Variants in CADPS2 observed in about 807,000 individuals in gnomAD.
CADPS2 encodes calcium dependent secretion activator 2, also known as calcium-dependent secretion activator 2.
CADPS2 carries 93 observed loss-of-function variants against 172.5 expected under a neutral mutation model. That is an observed-to-expected ratio of 0.54 (90% CI 0.46 to 0.64). The LOEUF is 0.64. CADPS2 is among the 30% of genes least tolerant of loss of function. The pLI, the probability that CADPS2 is intolerant of heterozygous loss-of-function variation, is 0.00. For synonymous variants in CADPS2, 546 were observed against 555.2 expected (o/e 0.98, Z 0.23); for missense variants, 1,420 against 1,565.9 (o/e 0.91, Z 1.57).
intron 17 of CADPS2, chr7:122,424,345 C>G (rs1179640265): frequency 1.0e-6 from 1 of 984,780 alleles, no homozygotes; most frequent in East Asian, 1.1e-4. Context: ...TCTTTCGCAT[C>G]TGTAAATTCA....
chr7:122,514,609 T>C (rs138521819), intron 8 of CADPS2, among the ~76,000 whole-genome samples: 34 of 152,168 alleles, frequency 2.2e-4, no homozygotes, highest in Non-Finnish European at 3.8e-4. Context: ...AACATGTCAA[T>C]ACATCGAAAT....
intron 8 of CADPS2, among the ~76,000 whole-genome samples, chr7:122,518,911 C>T (rs1038214701): frequency 5.3e-5 from 8 of 151,984 alleles, no homozygotes; most frequent in African/African-American, 1.4e-4. Context: ...TGTCTGAGGG[C>T]TTTTTAACAT....
At chr7:122,880,262 T>C (rs1822522673) in intron 1 of CADPS2, among the ~76,000 whole-genome samples, 2 of 152,186 alleles carry the variant, frequency 1.3e-5, no homozygotes, top group South Asian at 4.1e-4. Flanking sequence ...ATATATACTT[T>C]CTGTTGCTAA....
At chr7:122,459,293 T>C (rs992457828) in intron 14 of CADPS2, among the ~76,000 whole-genome samples, 1 of 152,002 alleles carries the variant, frequency 6.6e-6, no homozygotes, top group Non-Finnish European at 1.5e-5. Flanking sequence ...TTTTCCTCCA[T>C]TTTTTGCTAT....
chr7:122,490,431 A>G (rs1187021351), intron 10 of CADPS2, 150 bp from the exon 11 acceptor site: 7 of 639,726 alleles, frequency 1.1e-5, no homozygotes, highest in Non-Finnish European at 1.6e-5. Context: ...CAAATCCACA[A>G]TCAAAGATTT....
chr7:122,617,854 T>C (rs1043692518), intron 5 of CADPS2, among the ~76,000 whole-genome samples: 6 of 152,084 alleles, frequency 3.9e-5, no homozygotes, highest in Non-Finnish European at 7.4e-5. Flanking sequence ...CCATCCTGGC[T>C]AACACAGTGA....
At chr7:122,492,890 G>T (rs565175016) in intron 9 of CADPS2, among the ~76,000 whole-genome samples, 1 of 152,040 alleles carries the variant, frequency 6.6e-6, no homozygotes, top group East Asian at 1.9e-4. Context: ...ATAGAGAAAA[G>T]GTCTCTGTCT....
At chr7:122,545,403 C>T (rs1206925219) in intron 8 of CADPS2, among the ~76,000 whole-genome samples, 1 of 152,052 alleles carries the variant, frequency 6.6e-6, no homozygotes, top group African/African-American at 2.4e-5. Context: ...TAAAAGCATG[C>T]TCAGGGTACA....
chr7:122,537,685 G>A (rs1292812154), intron 8 of CADPS2, among the ~76,000 whole-genome samples: 1 of 151,752 alleles, frequency 6.6e-6, no homozygotes, highest in African/African-American at 2.4e-5. Flanking sequence ...CAATCCTAGG[G>A]AAATAGAAGA....
At chr7:122,647,027 A>G (rs931764385) in intron 3 of CADPS2, among the ~76,000 whole-genome samples, 6 of 152,166 alleles carry the variant, frequency 3.9e-5, no homozygotes, top group African/African-American at 1.4e-4. Flanking sequence ...TAATAGAAGA[A>G]CTAGGTATTG....
At chr7:122,379,011 G>A (rs542874532) in intron 25 of CADPS2, 17 of 177,918 alleles carry the variant, frequency 9.6e-5, no homozygotes, top group African/African-American at 1.4e-4. Context: ...TAGTGCCATC[G>A]CCACTACAGA....
chr7:122,705,069 C>T (rs1266858481), intron 2 of CADPS2, among the ~76,000 whole-genome samples: 1 of 151,944 alleles, frequency 6.6e-6, no homozygotes, highest in African/African-American at 2.4e-5. Context: ...ACAAAATAAG[C>T]TTTTATAATT....
intron 3 of CADPS2, among the ~76,000 whole-genome samples, chr7:122,660,444 A>C (rs1407790611): frequency 6.6e-6 from 1 of 152,182 alleles, no homozygotes; most frequent in East Asian, 1.9e-4. Flanking sequence ...TGTTCAATCA[A>C]AATTACAGAA....
chr7:122,679,664 A>G lies in CADPS2; in HGVS notation c.454-16095T>C, dbSNP rs1003452543. On this transcript the variant is annotated intron_variant, in intron 2 of 29. Transcript: ENST00000449022. ...TAAAAACTTGCTGGTTTTACGGCTC[A>G]GGGGGCATCACGGAACCTGCCGACA... Among the ~76,000 whole-genome samples the G allele has an allele frequency of 6.0e-4, 91 of 152,152 alleles. 1 individual carries two copies. Among genetic ancestry groups the G allele is most frequent in the Non-Finnish European group, 1.8e-4 (12 of 68,020 alleles).
chr7:122,658,790 G>A (rs112968822), intron 3 of CADPS2, among the ~76,000 whole-genome samples: 2,088 of 152,162 alleles, frequency 0.014, 43 homozygotes, highest in African/African-American at 0.046. Flanking sequence ...TGTAAATGAT[G>A]AGTTAATGGG....
In CADPS2 at chr7:122,698,569, T is replaced by G. The variant is rs1164076052; in HGVS notation, c.454-35000A>C. The G allele has an allele frequency of 1.9e-6, 3 of 1,614,058 alleles. No homozygotes were observed. The South Asian group carries it at 3.3e-5, about 18-fold the overall frequency. Reference sequence around the variant, plus strand: ...ACTGGCTCCCTTCTCAGTTGCCACTTTAATTTTCTGTGTGAAGGTACAACC... The same window carrying G: ...ACTGGCTCCCTTCTCAGTTGCCACTGTAATTTTCTGTGTGAAGGTACAACC... On this transcript the variant is annotated intron_variant, in intron 2 of 29. Coordinates refer to ENST00000449022, the MANE Select transcript of CADPS2 (RefSeq NM_017954.11).
At chr7:122,345,169 A>C (rs747576360) in intron 28 of CADPS2, among the ~76,000 whole-genome samples, 1 of 152,146 alleles carries the variant, frequency 6.6e-6, no homozygotes, top group Non-Finnish European at 1.5e-5. Context: ...TCTTTCACCC[A>C]GGCTGGAGTG....
chr7:122,866,214 C>T (rs1818277640), intron 1 of CADPS2, among the ~76,000 whole-genome samples: 1 of 152,172 alleles, frequency 6.6e-6, no homozygotes, highest in African/African-American at 2.4e-5. Flanking sequence ...CACCCTACTG[C>T]ATTTATAAAC....
chr7:122,607,856 T>A (rs1230329326), intron 6 of CADPS2, among the ~76,000 whole-genome samples: 1 of 152,180 alleles, frequency 6.6e-6, no homozygotes, highest in African/African-American at 2.4e-5. Flanking sequence ...TGTCATGATT[T>A]TGAAGATGGA....
Sources: gnomAD v4.1 joint callset for allele counts (sites outside exome capture counted in the v4.1 genomes callset) on GRCh38, gnomAD v4.1.1 for gene constraint, MANE v1.5 for transcripts, NCBI Gene and HGNC (gene_info 2026-07-23, HGNC 2026-07-21) for gene names.